Variants in CACNA1S observed in about 807,000 individuals in gnomAD.
CACNA1S encodes calcium voltage-gated channel subunit alpha1 S.
In CACNA1S, 126 loss-of-function variants were observed where a neutral mutation model predicts 207.4. The observed-to-expected ratio is 0.61, with a 90% CI of 0.53 to 0.70. The LOEUF is 0.70. Among genes scored for constraint, CACNA1S ranks in the 30% least tolerant of loss-of-function variants. The pLI is 0.00. For missense variants in CACNA1S, 2,349 were observed against 2,422.8 expected, an observed-to-expected ratio of 0.97 and a Z score of 0.64; for synonymous variants, 960 against 932.7, an observed-to-expected ratio of 1.03 and a Z score of -0.53.
intron 32 of CACNA1S, 111 bp downstream of exon 32, chr1:201,052,446 C>T: frequency 2.5e-6 from 2 of 814,630 alleles, no homozygotes; most frequent in Non-Finnish European, 2.2e-6. Flanking sequence ...CCCTGTGTGG[C>T]TGCACAGGTC....
At position 201,077,927 on chromosome 1, in the gene CACNA1S, A is replaced by G. The variant is rs746595012; in HGVS notation, c.1571T>C (p.Ile524Thr). The part of the protein sequence containing the change: ...VESGAMTPLG[I>T]SVLRCIRLLR... ...GAGGCGGATGCAGCGGAGCACGGAGATGCCCAGGGGTGTCATGGCACCCGA... is the reference window on the plus strand; with the variant it reads ...GAGGCGGATGCAGCGGAGCACGGAGGTGCCCAGGGGTGTCATGGCACCCGA... Residue 524 changes from isoleucine to threonine, a missense_variant, in exon 11 of 44, where the codon ATC (isoleucine) becomes ACC (threonine). By Grantham distance (89) the Ile-to-Thr change is moderately conservative. Transcript: ENST00000362061. 1 of 1,614,126 alleles carries G rather than the reference A, an allele frequency of 6.2e-7. No individual in the cohort carries two copies. Among genetic ancestry groups the G allele is most frequent in the Non-Finnish European group, 8.5e-7 (1 of 1,179,972 alleles).
At chr1:201,070,556 C>T (rs1661411138) in intron 16 of CACNA1S, 152 bp from the exon 17 acceptor site, 2 of 949,926 alleles carry the variant, frequency 2.1e-6, no homozygotes, top group Non-Finnish European at 3.3e-6. Flanking sequence ...CAGAGTCCAG[C>T]CCGGGCATCT....
rs150520884 is a variant in CACNA1S at position 201,110,257 on chromosome 1, C to T, written c.165G>A (p.Thr55=). 1.7e-4 allele frequency: 274 copies of T among 1,614,200 alleles called. No individual in the cohort carries two copies. In the African/African-American group the frequency reaches 3.1e-3, roughly 18 times the overall value. ...TGGCAAAGATGGTGAGCAAGATGAT[C>T]GTCTCGAAGGGCCTGGAGCCAGGGT... ...ISIVEWKPFE[T]IILLTIFANC... is the part of the protein sequence containing the mutation. The change falls in exon 2 of 44, where the codon ACG becomes ACA. Residue 55 remains threonine, a synonymous_variant. Coordinates refer to ENST00000362061, the MANE Select transcript of CACNA1S (RefSeq NM_000069.3).
chr1:201,053,606 A>G lies in CACNA1S; in HGVS notation c.3667-19T>C, dbSNP rs1210808338. 10 of 1,592,600 alleles carry G rather than the reference A, an allele frequency of 6.3e-6. No homozygotes were observed. The highest frequency in any genetic ancestry group is 8.6e-6 in the Non-Finnish European group (10 of 1,166,290). ...CTGGGTCCTGCGGGGCAGCAGCCCC[A>G]GAGGTCAGTCTGGGGGCAGAACCTC... On this transcript the variant is annotated intron_variant, in intron 29 of 43. Transcript: ENST00000362061. This position sits in a 1 kb window ranked among gnomAD's most constrained non-coding sequence, Gnocchi z 5.1.
In CACNA1S at chr1:201,053,490, G is replaced by T. The variant is rs746778010; in HGVS notation, c.3764C>A (p.Thr1255Asn). The T allele has an allele frequency of 1.9e-6, 3 of 1,614,040 alleles. No individual in the cohort carries two copies. The highest frequency in any genetic ancestry group is 1.3e-5 in the African/African-American group (1 of 74,914). Residue 1255 changes from threonine to asparagine, a missense_variant, in exon 30 of 44, where the codon ACC (threonine) becomes AAC (asparagine). Thr to Asn is a moderately conservative substitution (Grantham distance 65). Transcript: ENST00000362061. The surrounding 1 kb of genome is among the most constrained non-coding windows in gnomAD (Gnocchi z 5.1). ...GGACTTGATGAACGTCCACAGGAGG[G>T]TTCGCACTCCTTCTGCCCGGCTCAG... ...KLLSRAEGVRTLLWTFIKSFQ... is the reference protein window; with the variant it reads ...KLLSRAEGVRNLLWTFIKSFQ...
intron 2 of CACNA1S, among the ~76,000 whole-genome samples, chr1:201,105,378 C>T (rs1478425383): frequency 1.3e-5 from 2 of 152,156 alleles, no homozygotes; most frequent in Non-Finnish European, 2.9e-5. Context: ...ATCCAGTTAC[C>T]TCTCTCAAGT....
chr1:201,048,869 C>A, intron 35 of CACNA1S, 134 bp downstream of exon 35: 1 of 858,238 alleles, frequency 1.2e-6, no homozygotes, highest in Non-Finnish European at 1.9e-6. Context: ...ACTTCAGGCC[C>A]TTTGGGAGGA....
At chr1:201,072,660 G>T in intron 16 of CACNA1S, 95 bp downstream of exon 16, 1 of 879,714 alleles carries the variant, frequency 1.1e-6, no homozygotes, top group Non-Finnish European at 1.9e-6. Flanking sequence ...TACAGGTAGG[G>T]ACACACAAGA....
rs76580064 is a variant in CACNA1S at position 201,069,239 on chromosome 1, G to A, written c.2491-43C>T. 663 of 1,566,234 alleles carry A rather than the reference G, an allele frequency of 4.2e-4. 1 individual carries two copies. Among genetic ancestry groups the A allele is most frequent in the Middle Eastern group, 2.5e-3 (15 of 5,962 alleles). The stretch of plus-strand genomic sequence containing the variant: ...GCGGGAGCAGCCAGTGAGAGGAGGA[G>A]GGGGCAACAGTATCAGCAGCAGCAG... On this transcript the variant is annotated intron_variant, in intron 18 of 43. Transcript: ENST00000362061.
At chr1:201,111,058 G>A (rs1001274881) in intron 1 of CACNA1S, among the ~76,000 whole-genome samples, 1 of 151,736 alleles carries the variant, frequency 6.6e-6, no homozygotes, top group South Asian at 2.1e-4. Flanking sequence ...AGGGCCACAG[G>A]GGCAGGGCGC....
intron 34 of CACNA1S, among the ~76,000 whole-genome samples, chr1:201,049,846 A>G (rs1660594893): frequency 6.6e-6 from 1 of 152,174 alleles, no homozygotes; most frequent in Admixed American, 6.5e-5. Flanking sequence ...TACCAGTTAC[A>G]TGGACTGGGG....
At position 201,052,681 on chromosome 1, in the gene CACNA1S, C is replaced by T. The variant is rs958838888; in HGVS notation, c.3862-33G>A. On this transcript the variant is annotated intron_variant, in intron 31 of 43. Transcript: ENST00000362061. Reference sequence around the variant, plus strand: ...TCACAAAGGGCCCTGACTGTGGAACCTAGATTAAAGTGTCCCCTCAGCTTA... The same window carrying T: ...TCACAAAGGGCCCTGACTGTGGAACTTAGATTAAAGTGTCCCCTCAGCTTA... The T allele has an allele frequency of 3.2e-6, 5 of 1,561,746 alleles. No individual in the cohort carries two copies. The African/African-American group carries it at 4.1e-5, about 13-fold the overall frequency.
In CACNA1S at chr1:201,039,699, G is replaced by A. The variant is rs1422578228; in HGVS notation, c.*132C>T. On this transcript the variant is annotated 3_prime_UTR_variant, in exon 44 of 44. Coordinates refer to ENST00000362061, the MANE Select transcript of CACNA1S (RefSeq NM_000069.3). ...TTTTGAGGTGGTTCCTGACCACCCT[G>A]CCTCAGGCCATGCATCTAGCTGCTG... 7.9e-7 allele frequency: 1 copy of A among 1,264,496 alleles called. No individual in the cohort carries two copies. Among genetic ancestry groups the A allele is most frequent in the African/African-American group, 1.5e-5 (1 of 68,362 alleles). The allele number at this position is 1,264,496 out of a possible 1,614,324, so 78.3% of individuals were successfully genotyped here. A position where few individuals can be genotyped will look rare whatever the true frequency, so the allele number is the denominator to read the frequency against.
rs1445211451 is a variant in CACNA1S, at chr1:201,060,593, A to ATCCTGCCCTACCCG, written c.3414+64_3414+65insCGGGTAGGGCAGGA. 5.7e-6 allele frequency: 9 copies of ATCCTGCCCTACCCG among 1,578,860 alleles called. No homozygotes were observed. In the East Asian group the frequency reaches 2.0e-4, roughly 35 times the overall value. ...GAATCCTGGCTATCCTGCCCTACTC[A>ATCCTGCCCTACCCG]TCCTGCCCTACCCAAGGCCCAGGTC... On this transcript the variant is annotated intron_variant, in intron 26 of 43. Coordinates refer to ENST00000362061, the MANE Select transcript of CACNA1S (RefSeq NM_000069.3).
At chr1:201,095,143 TATAC>T (rs1443761317) in intron 2 of CACNA1S, among the ~76,000 whole-genome samples, 88 of 151,094 alleles carry the variant, frequency 5.8e-4, no homozygotes, top group Non-Finnish European at 1.1e-3. Context: ...TGTGTGTGTG[TATAC>T]ATATATATAC....
chr1:201,072,661 A>G, intron 16 of CACNA1S, 94 bp downstream of exon 16: 1 of 883,654 alleles, frequency 1.1e-6, no homozygotes, highest in Non-Finnish European at 1.9e-6. Context: ...ACAGGTAGGG[A>G]CACACAAGAG....
At position 201,053,742 on chromosome 1, in the gene CACNA1S, G is replaced by A. The variant is rs961473297; in HGVS notation, c.3667-155C>T. On this transcript the variant is annotated intron_variant, in intron 29 of 43. Transcript: ENST00000362061. This position sits in a 1 kb window ranked among gnomAD's most constrained non-coding sequence, Gnocchi z 5.1. ...TCTGGCCCCTGCTGTCCACTAGTTC[G>A]GGACCATCCTTGGGCACAGGGCTCT... is the stretch of plus-strand genomic sequence containing the variant. Among the ~76,000 whole-genome samples, 6 of 152,186 alleles carry A rather than the reference G, an allele frequency of 3.9e-5. No homozygotes were observed. The highest frequency in any genetic ancestry group is 2.6e-4 in the Admixed American group (4 of 15,290).
chr1:201,074,449 G>A (rs1174474309), intron 14 of CACNA1S, 57 bp downstream of exon 14: 2 of 1,082,586 alleles, frequency 1.8e-6, no homozygotes, highest in Admixed American at 3.7e-5. Context: ...TCCAGAGCTG[G>A]AAGGCCATGG....
chr1:201,062,715 C>T (rs745312786), intron 22 of CACNA1S, among the ~76,000 whole-genome samples: 1 of 152,236 alleles, frequency 6.6e-6, no homozygotes, highest in Non-Finnish European at 1.5e-5. Flanking sequence ...TCTTCACCAT[C>T]GTTCATTCCC....
Sources: allele counts gnomAD v4.1 joint callset (sites outside exome capture counted in the v4.1 genomes callset), GRCh38; gene constraint gnomAD v4.1.1; non-coding constraint Gnocchi (gnomAD v3.1); transcripts MANE v1.5; gene names NCBI Gene and HGNC (gene_info 2026-07-23, HGNC 2026-07-21).